The following PLEKHA6 variants were observed in gnomAD, a reference collection of about 807,000 sequenced individuals.
PLEKHA6 encodes the protein pleckstrin homology domain-containing family A member 6.
A neutral mutation model predicts 116.7 loss-of-function variants in PLEKHA6; 60 were observed. The ratio of observed to expected loss-of-function variants is 0.51; its 90% CI spans 0.42 to 0.64. PLEKHA6 has a LOEUF of 0.64. Ranked by LOEUF, PLEKHA6 falls within the 30% of genes least tolerant of loss-of-function variation. The pLI, the probability that PLEKHA6 is intolerant of heterozygous loss-of-function variation, is 0.00. For synonymous variants in PLEKHA6, 489 were observed against 556.1 expected, an observed-to-expected ratio of 0.88 and a Z score of 1.70; for missense variants, 1,338 against 1,422.7, an observed-to-expected ratio of 0.94 and a Z score of 0.96.
chr1:204,351,066 G>T (rs1453064921), intron 1 of PLEKHA6, among the ~76,000 whole-genome samples: 1 of 152,174 alleles, frequency 6.6e-6, no homozygotes, highest in Non-Finnish European at 1.5e-5. Context: ...AACCCAGCTG[G>T]GAGGCCGCCA....
At chr1:204,305,655 A>C (rs1330901074) in intron 1 of PLEKHA6, among the ~76,000 whole-genome samples, 2 of 152,178 alleles carry the variant, frequency 1.3e-5, no homozygotes, top group African/African-American at 4.8e-5. Flanking sequence ...AAAAGGAAGA[A>C]ATTATGACAC....
intron 1 of PLEKHA6, among the ~76,000 whole-genome samples, chr1:204,303,159 A>G (rs932937154): frequency 5.3e-5 from 8 of 152,154 alleles, no homozygotes; most frequent in African/African-American, 1.9e-4. Flanking sequence ...ATCACTATCT[A>G]GAAACTGTCT....
At chr1:204,245,498 A>C in intron 14 of PLEKHA6, 117 bp downstream of exon 14, 2 of 661,106 alleles carry the variant, frequency 3.0e-6, no homozygotes, top group Non-Finnish European at 5.3e-6. Context: ...TGTCCCAAGA[A>C]GGCCCTGCCT....
chr1:204,274,991 TG>T, intron 1 of PLEKHA6, 182 bp from the exon 2 acceptor site: 1 of 202,812 alleles, frequency 4.9e-6, no homozygotes, highest in Non-Finnish European at 7.4e-6. Context: ...GGGGGCGGGG[TG>T]GGGGAAGGAA....
chr1:204,318,041 T>A (rs926969953), intron 1 of PLEKHA6, among the ~76,000 whole-genome samples: 6 of 152,232 alleles, frequency 3.9e-5, no homozygotes, highest in African/African-American at 1.4e-4. Context: ...TGTGTACACG[T>A]GCGTGCATGA....
chr1:204,293,221 G>T (rs1472596416), intron 1 of PLEKHA6, among the ~76,000 whole-genome samples: 2 of 151,980 alleles, frequency 1.3e-5, no homozygotes, highest in African/African-American at 4.8e-5. Context: ...TGCAACCTCT[G>T]CCTCCCAAGT....
upstream of PLEKHA6, among the ~76,000 whole-genome samples, chr1:204,360,735 T>C (rs1016549576): frequency 2.6e-5 from 4 of 152,144 alleles, no homozygotes. Flanking sequence ...AAACCCTTTC[T>C]CTAGCTCCTG....
At position 204,368,314 on chromosome 1, in the gene PLEKHA6, C is replaced by T. The variant is rs1393757621; in HGVS notation, c.161-458G>A. On this transcript the variant is annotated intron_variant, in intron 2 of 4. Coordinates refer to the PLEKHA6 transcript ENST00000564627. ...TCACAGATCATTAACACCTAAGATCCGAGTAAGACTCAAGTCTCCAAATAC... is the reference window on the plus strand; with the variant it reads ...TCACAGATCATTAACACCTAAGATCTGAGTAAGACTCAAGTCTCCAAATAC... 9 of 152,250 alleles carry T rather than the reference C, an allele frequency of 5.9e-5. No homozygotes were observed. In the South Asian group the frequency reaches 6.2e-4, roughly 11 times the overall value. 9.4% of individuals were successfully genotyped at this position (152,250 alleles called of 1,614,324 possible).
At position 204,223,515 on chromosome 1, in the gene PLEKHA6, AGAC is replaced by A. The variant is rs1659912983; in HGVS notation, c.3099_3101del (p.Ser1034del). 3 of 1,550,436 alleles carry A rather than the reference AGAC, an allele frequency of 1.9e-6. No individual in the cohort carries two copies. Among genetic ancestry groups the A allele is most frequent in the Non-Finnish European group, 2.6e-6 (3 of 1,146,058 alleles). ...TGCTGTCGGCGCCCCGTGGGGATTC[AGAC>A]GACAGGGGGTTTGCTGGAGGAGCCG... On this transcript the variant is annotated inframe_deletion, in exon 22 of 23. Coordinates refer to ENST00000272203, the MANE Select transcript of PLEKHA6 (RefSeq NM_014935.5). The surrounding 1 kb of genome is among the most constrained non-coding windows in gnomAD (Gnocchi z 4.8).
intron 1 of PLEKHA6, among the ~76,000 whole-genome samples, chr1:204,358,756 C>A (rs1012872671): frequency 6.6e-6 from 1 of 152,104 alleles, no homozygotes. Context: ...CCTCCCCACC[C>A]CTGTGCCCCG....
rs765057668 is a variant in PLEKHA6 at position 204,223,478 on chromosome 1, G to T, written c.3139C>A (p.Arg1047=). The T allele has an allele frequency of 2.6e-6, 4 of 1,538,318 alleles. No homozygotes were observed. Among genetic ancestry groups the T allele is most frequent in the East Asian group, 4.9e-5 (2 of 40,850 alleles). ...AGTGCTTACGTCAGAGCTCAGACCC[G>T]CATGGTATAGCTGCTGTCGGCGCCC... ...PRGADSSYTM[R]V The change falls in exon 22 of 23, where the codon CGG becomes AGG. Residue 1047 remains arginine (R), a synonymous_variant. Transcript: ENST00000272203. The surrounding 1 kb of genome is among the most constrained non-coding windows in gnomAD (Gnocchi z 4.8).
In PLEKHA6 at chr1:204,223,615, TG is replaced by T. The variant is rs1287398457; in HGVS notation, c.3032-31del. On this transcript the variant is annotated intron_variant, in intron 21 of 22. Coordinates refer to ENST00000272203, the MANE Select transcript of PLEKHA6 (RefSeq NM_014935.5). This position sits in a 1 kb window ranked among gnomAD's most constrained non-coding sequence, Gnocchi z 4.8. ...AAACAGAAATGAACAGGGAGGTGAA[TG>T]GGGGTGGGTGGGGGAGGAGGGTGGG... The T allele has an allele frequency of 4.7e-4, 2 of 4,260 alleles. No individual in the cohort carries two copies. Among genetic ancestry groups the T allele is most frequent in the Non-Finnish European group, 1.0e-3 (2 of 1,914 alleles). 0.3% of individuals were successfully genotyped at this position (4,260 alleles called of 1,614,324 possible).
intron 16 of PLEKHA6, 43 bp from the exon 17 acceptor site, chr1:204,241,524 G>A (rs747900187): frequency 6.9e-7 from 1 of 1,440,790 alleles, no homozygotes; most frequent in Non-Finnish European, 9.4e-7. Context: ...TGGAGAGCAG[G>A]AAGGCAGGAA....
chr1:204,244,913 G>GA lies in PLEKHA6; in HGVS notation c.2122dup (p.Ser708PhefsTer23). 6.5e-7 allele frequency: 1 copy of GA among 1,547,270 alleles called. No individual in the cohort carries two copies. The highest frequency in any genetic ancestry group is 8.7e-7 in the Non-Finnish European group (1 of 1,144,708). ...GGACCCCTGAGAGCCCGACACCAGT[G>GA]AAAAGGGGCTCAGGGGGCTGGTGAG... On this transcript the variant is annotated frameshift_variant, in exon 15 of 23. Coordinates refer to ENST00000272203, the MANE Select transcript of PLEKHA6 (RefSeq NM_014935.5). LOFTEE classifies it high-confidence loss of function.
rs1667714393 is a variant in PLEKHA6, at chr1:204,273,701, G to C, written c.27C>G (p.Arg9=). ...GTATGTCACTGTTGGTGGTAGCCGG[G>C]CGTTTCCCACCTGTTTTATTGGACA... The part of the protein sequence containing the change: MSNKTGGK[R]PATTNSDIPN... The change falls in exon 3 of 23, where the codon CGC becomes CGG. Residue 9 remains arginine, a synonymous_variant. Transcript: ENST00000272203. The C allele has an allele frequency of 6.2e-7, 1 of 1,613,978 alleles. No homozygotes were observed. Among genetic ancestry groups the C allele is most frequent in the South Asian group, 1.1e-5 (1 of 91,072 alleles).
chr1:204,268,407 A>G, intron 3 of PLEKHA6, 95 bp from the exon 4 acceptor site: 1 of 785,960 alleles, frequency 1.3e-6, no homozygotes. Flanking sequence ...GCTTCTCCCT[A>G]GGGTTAACCC....
intron 1 of PLEKHA6, among the ~76,000 whole-genome samples, chr1:204,322,950 C>A (rs1672117647): frequency 6.6e-6 from 1 of 152,350 alleles, no homozygotes; most frequent in South Asian, 2.1e-4. Flanking sequence ...TTCCAGGAAG[C>A]CCTCCCTGAT....
chr1:204,337,794 T>C (rs937271716), intron 1 of PLEKHA6, among the ~76,000 whole-genome samples: 1 of 152,150 alleles, frequency 6.6e-6, no homozygotes, highest in Non-Finnish European at 1.5e-5. Flanking sequence ...CGTACCACAA[T>C]AGTCATATGT....
intron 13 of PLEKHA6, among the ~76,000 whole-genome samples, chr1:204,246,078 G>A (rs1663626954): frequency 6.6e-6 from 1 of 152,138 alleles, no homozygotes; most frequent in South Asian, 2.1e-4. Flanking sequence ...CGTGGGGCAA[G>A]AGCTTCCATT....
Sources: gnomAD v4.1 joint callset for allele counts (sites outside exome capture counted in the v4.1 genomes callset) on GRCh38, gnomAD v4.1.1 for gene constraint, Gnocchi (gnomAD v3.1) non-coding constraint, MANE v1.5 for transcripts, NCBI Gene and HGNC (gene_info 2026-07-23, HGNC 2026-07-21) for gene names.